The following SAFB2 variants were observed in gnomAD, a reference collection of about 807,000 sequenced individuals.
The protein encoded by SAFB2 is scaffold attachment factor B2.
Under a neutral mutation model 100.6 loss-of-function variants are expected in SAFB2, and 32 were observed. The observed-to-expected ratio is 0.32, with a 90% CI of 0.24 to 0.43. The LOEUF is 0.43. Among genes scored for constraint, SAFB2 ranks in the 20% least tolerant of loss-of-function variants. The pLI, the probability that SAFB2 is intolerant of heterozygous loss-of-function variation, is 1.00. For missense variants in SAFB2, 1,185 were observed against 1,163.4 expected, an observed-to-expected ratio of 1.02 and a Z score of -0.27; for synonymous variants, 500 against 439.4, an observed-to-expected ratio of 1.14 and a Z score of -1.72.
intron 1 of SAFB2, among the ~76,000 whole-genome samples, chr19:5,622,103 C>A (rs2053167499): frequency 1.3e-5 from 2 of 152,214 alleles, no homozygotes; most frequent in Non-Finnish European, 2.9e-5. Flanking sequence ...TCGTAAAGGC[C>A]AAAGCCCTGG....
chr19:5,593,971 G>C lies in SAFB2; in HGVS notation c.2127C>G (p.Arg709=). Residue 709 remains arginine (R), a synonymous_variant, in exon 15 of 21, where the codon CGC becomes CGG. Transcript: ENST00000252542. ...RKEQERIHRE[R]EELRRQQEQL... Reference sequence around the variant, plus strand: ...GCTCCTGCTGGCGCCGCAGCTCCTCGCGCTCGCGGTGGATGCGCTCCTGCT... The same window carrying C: ...GCTCCTGCTGGCGCCGCAGCTCCTCCCGCTCGCGGTGGATGCGCTCCTGCT... 1 of 1,551,172 alleles carries C rather than the reference G, an allele frequency of 6.4e-7. No homozygotes were observed. Among genetic ancestry groups the C allele is most frequent in the African/African-American group, 1.4e-5 (1 of 73,026 alleles).
chr19:5,590,393 G>T lies in SAFB2; in HGVS notation c.2410C>A (p.Arg804Ser). 1 of 1,610,718 alleles carries T rather than the reference G, an allele frequency of 6.2e-7. No individual in the cohort carries two copies. The highest frequency in any genetic ancestry group is 1.3e-5 in the African/African-American group (1 of 74,964). ...HRDGQHYGDD[R>S]HGHGGPPERH... ...TCTGGGGGTCCTCCGTGGCCATGGC[G>T]GTCATCTCCATAGTGCTGGAAGGCA... Residue 804 changes from arginine to serine, a missense_variant, in exon 18 of 21, where the codon CGC (arginine) becomes AGC (serine). By Grantham distance (110) the Arg-to-Ser change is moderately radical. Around this residue, in one of 3 missense-constraint regions of SAFB2, gnomAD observed 740 missense variants for 687.1 expected, o/e 1.08. Coordinates refer to ENST00000252542, the MANE Select transcript of SAFB2 (RefSeq NM_014649.3).
chr19:5,595,915 G>A (rs939116593), intron 13 of SAFB2, among the ~76,000 whole-genome samples: 2 of 152,244 alleles, frequency 1.3e-5, no homozygotes, highest in African/African-American at 4.8e-5. Context: ...CTGGAGGGCA[G>A]ACTACATGTT....
At chr19:5,609,078 C>CA (rs2052845210) in intron 9 of SAFB2, among the ~76,000 whole-genome samples, 1 of 127,898 alleles carries the variant, frequency 7.8e-6, no homozygotes, top group East Asian at 2.4e-4. Flanking sequence ...AAAAAAAGAA[C>CA]AACAAACAAA....
intron 15 of SAFB2, 100 bp from the exon 16 acceptor site, chr19:5,592,987 CCCAG>C: frequency 9.2e-7 from 1 of 1,084,182 alleles, no homozygotes. Flanking sequence ...TCTCCCCAGA[CCCAG>C]TATCGTTTAA....
chr19:5,609,966 T>G (rs748125737), intron 9 of SAFB2, 29 bp downstream of exon 9: 2 of 1,579,696 alleles, frequency 1.3e-6, no homozygotes, highest in Non-Finnish European at 1.7e-6. Flanking sequence ...TGAATCACAG[T>G]GGATGGTATG....
chr19:5,594,039 GCCGCTC>G lies in SAFB2; in HGVS notation c.2053_2058del (p.Glu685_Arg686del). The G allele has an allele frequency of 6.3e-7, 1 of 1,579,500 alleles. No homozygotes were observed. The highest frequency in any genetic ancestry group is 8.6e-7 in the Non-Finnish European group (1 of 1,169,298). On this transcript the variant is annotated inframe_deletion, in exon 15 of 21. Coordinates refer to ENST00000252542, the MANE Select transcript of SAFB2 (RefSeq NM_014649.3). The stretch of plus-strand genomic sequence containing the variant: ...TCCACGCGCATGCGCTCGCGCTCCA[GCCGCTC>G]CCGCTCCATGCGCTCCCGCTCCAGC...
At chr19:5,615,601 G>A (rs1160535118) in intron 4 of SAFB2, among the ~76,000 whole-genome samples, 5 of 151,934 alleles carry the variant, frequency 3.3e-5, no homozygotes, top group Non-Finnish European at 7.4e-5. Flanking sequence ...TGTAGTCTCA[G>A]TTATGCAGGG....
At chr19:5,613,771 T>C in intron 4 of SAFB2, 4 of 984,632 alleles carry the variant, frequency 4.1e-6, no homozygotes, top group African/African-American at 1.7e-5. Context: ...ACTGGGTGAA[T>C]GAACGAATGA....
rs10647558 is a variant in SAFB2, at chr19:5,601,711, A to AAAATAAATAAATAAAT, written c.1560-1467_1560-1452dup. Among the ~76,000 whole-genome samples the AAAATAAATAAATAAAT allele has an allele frequency of 3.0e-3, 434 of 144,840 alleles. 1 individual carries two copies. Among genetic ancestry groups the AAAATAAATAAATAAAT allele is most frequent in the Admixed American group, 8.0e-3 (115 of 14,334 alleles). On this transcript the variant is annotated intron_variant, in intron 11 of 20. Coordinates refer to ENST00000252542, the MANE Select transcript of SAFB2 (RefSeq NM_014649.3). ...TGGCAACAGAGAGAGACTCCATCTC[A>AAAATAAATAAATAAAT]AAATAAATAAATAAATAAATAAATA... is the stretch of plus-strand genomic sequence containing the variant.
chr19:5,622,210 A>G (rs981497687), intron 1 of SAFB2, among the ~76,000 whole-genome samples: 12 of 152,234 alleles, frequency 7.9e-5, no homozygotes, highest in African/African-American at 2.9e-4. Context: ...AGAGAAAGGC[A>G]CCTGCCCAAG....
chr19:5,609,415 C>T (rs1435888751), intron 9 of SAFB2, among the ~76,000 whole-genome samples: 1 of 151,486 alleles, frequency 6.6e-6, no homozygotes, highest in Admixed American at 6.6e-5. Flanking sequence ...GTGATTCTCC[C>T]ACCTCAGCTT....
intron 4 of SAFB2, 130 bp from the exon 5 acceptor site, chr19:5,613,657 G>C: frequency 6.7e-7 from 1 of 1,486,344 alleles, no homozygotes; most frequent in Non-Finnish European, 8.9e-7. Flanking sequence ...TCTACTGTTG[G>C]GTCATTCAGT....
chr19:5,600,411 A>G (rs1278551798), intron 11 of SAFB2, 151 bp from the exon 12 acceptor site: 5 of 938,132 alleles, frequency 5.3e-6, no homozygotes, highest in Non-Finnish European at 6.3e-6. Context: ...TGGAACCCAT[A>G]GTAATAACAA....
At chr19:5,610,598 G>T (rs1163887155) in intron 8 of SAFB2, 41 bp downstream of exon 8, 2 of 1,454,066 alleles carry the variant, frequency 1.4e-6, no homozygotes, top group South Asian at 1.2e-5. Flanking sequence ...CAAAATAAGG[G>T]AACCATACCT....
In SAFB2 at chr19:5,621,343, G is replaced by A; in HGVS notation, c.240C>T (p.Ala80=). The change falls in exon 2 of 21, where the codon GCC becomes GCT. Residue 80 remains alanine (A), a synonymous_variant. Transcript: ENST00000252542. The stretch of plus-strand genomic sequence containing the variant: ...ATCTCTTGGCTGACTTCTTGCTGGT[G>A]GCTTCTAACTCGATGCCAATTTCAT... The part of the protein sequence containing the change: ...DPDEIGIELE[A]TSKKSAKRCV... 2 of 1,613,672 alleles carry A rather than the reference G, an allele frequency of 1.2e-6. No homozygotes were observed. The highest frequency in any genetic ancestry group is 1.7e-6 in the Non-Finnish European group (2 of 1,179,592).
At chr19:5,605,212 C>T (rs1309005133) in intron 9 of SAFB2, among the ~76,000 whole-genome samples, 1 of 151,776 alleles carries the variant, frequency 6.6e-6, no homozygotes, top group South Asian at 2.1e-4. Flanking sequence ...TCAAGCAATT[C>T]TCCCGCCTCA....
At position 5,622,666 on chromosome 19, in the gene SAFB2, G is replaced by A; in HGVS notation, c.50C>T (p.Ser17Phe). Reference sequence around the variant, plus strand: ...AGTCTCCGCAACGCCCGGGCCGAGAGAAGCCGTGCCAGGGCCCGAGTCGCC... The same window carrying A: ...AGTCTCCGCAACGCCCGGGCCGAGAAAAGCCGTGCCAGGGCCCGAGTCGCC... ...GSGDSGPGTA[S>F]LGPGVAETGT... is the part of the protein sequence containing the mutation. Residue 17 changes from serine (S) to phenylalanine (F), a missense_variant, in exon 1 of 21, where the codon TCT becomes TTT. By Grantham distance (155) the Ser-to-Phe change is radical. This residue lies in a region of SAFB2 where 351 missense variants were observed against 341.2 expected (regional missense o/e 1.03). Transcript: ENST00000252542. The A allele has an allele frequency of 1.2e-6, 2 of 1,608,254 alleles. No homozygotes were observed. Among genetic ancestry groups the A allele is most frequent in the South Asian group, 1.1e-5 (1 of 90,778 alleles).
chr19:5,602,322 C>CA (rs1250718511), intron 11 of SAFB2, among the ~76,000 whole-genome samples: 24 of 150,672 alleles, frequency 1.6e-4, no homozygotes, highest in Admixed American at 1.5e-3. Flanking sequence ...CTAAAAAATA[C>CA]AAAAAAAATT....
Sources: gnomAD v4.1 joint callset for allele counts (sites outside exome capture counted in the v4.1 genomes callset) on GRCh38, gnomAD v4.1.1 for gene constraint, gnomAD v4.1.1 regional missense constraint, MANE v1.5 for transcripts, NCBI Gene and HGNC (gene_info 2026-07-23, HGNC 2026-07-21) for gene names.